The following TRAF7 variants were observed in gnomAD, a reference collection of about 807,000 sequenced individuals.
TRAF7 encodes E3 ubiquitin-protein ligase TRAF7.
TRAF7 carries 45 observed loss-of-function variants against 89.3 expected under a neutral mutation model. The ratio of observed to expected loss-of-function variants is 0.50; its 90% CI spans 0.40 to 0.65. TRAF7 has a LOEUF of 0.65. Among genes scored for constraint, TRAF7 ranks in the 30% least tolerant of loss-of-function variants. The pLI is 0.00. For missense variants in TRAF7, 677 were observed against 918.1 expected (o/e 0.74, Z 3.39); for synonymous variants, 406 against 369.2 (o/e 1.10, Z -1.14).
chr16:2,156,415 C>T (rs1206302878), intron 1 of TRAF7, among the ~76,000 whole-genome samples: 1 of 152,182 alleles, frequency 6.6e-6, no homozygotes, highest in African/African-American at 2.4e-5. Context: ...CCCCCCATCC[C>T]CCATCTAGAC....
Position 2,168,484 on chromosome 16 carries a change from T to G in TRAF7, c.231+316T>G. The stretch of plus-strand genomic sequence containing the variant: ...ACCACAGAAAGTTCAGTCAGGAGGA[T>G]AGCACAATAAAATACATGCTTTGAA... On this transcript the variant is annotated intron_variant, in intron 4 of 20. Transcript: ENST00000326181. The surrounding 1 kb of genome is among the most constrained non-coding windows in gnomAD (Gnocchi z 4.1). The G allele has an allele frequency of 3.1e-6, 1 of 320,172 alleles. No individual in the cohort carries two copies. The highest frequency in any genetic ancestry group is 5.9e-6 in the Non-Finnish European group (1 of 169,614). The allele number at this position is 320,172 out of a possible 1,614,324, so 19.8% of individuals were successfully genotyped here. A position where few individuals can be genotyped will look rare whatever the true frequency, so the allele number is the denominator to read the frequency against.
chr16:2,170,282 C>T (rs563747525), intron 4 of TRAF7, among the ~76,000 whole-genome samples: 10 of 152,342 alleles, frequency 6.6e-5, no homozygotes, highest in African/African-American at 1.9e-4. Flanking sequence ...TGCCCCCTCA[C>T]GGCCCACATT....
At position 2,175,595 on chromosome 16, in the gene TRAF7, G is replaced by C. The variant is rs1472842768; in HGVS notation, c.1599G>C (p.Leu533=). 6.2e-7 allele frequency: 1 copy of C among 1,612,612 alleles called. No individual in the cohort carries two copies. Among genetic ancestry groups the C allele is most frequent in the Non-Finnish European group, 8.5e-7 (1 of 1,179,882 alleles). Residue 533 remains leucine, a synonymous_variant, in exon 17 of 21, where the codon CTG becomes CTC. Coordinates refer to ENST00000326181, the MANE Select transcript of TRAF7 (RefSeq NM_032271.3). ...CCCTGGTGGCTGCCCAGAGCTACCT[G>C]TACAGCGGCTCCTACCAGACAATCA... The part of the protein sequence containing the change: ...VRALVAAQSY[L]YSGSYQTIKI...
rs2093067343 is a variant in TRAF7 at position 2,163,936 on chromosome 16, A to G, written c.16A>G (p.Ser6Gly). 1 of 1,612,614 alleles carries G rather than the reference A, an allele frequency of 6.2e-7. No homozygotes were observed. Among genetic ancestry groups the G allele is most frequent in the Non-Finnish European group, 8.5e-7 (1 of 1,179,780 alleles). The change falls in exon 2 of 21, where the codon AGT becomes GGT. Residue 6 changes from serine (S) to glycine (G), a missense_variant. Ser to Gly is a moderately conservative substitution (Grantham distance 56, BLOSUM62 0). Transcript: ENST00000326181. This position sits in a 1 kb window ranked among gnomAD's most constrained non-coding sequence, Gnocchi z 4.3. Reference protein sequence around the residue: MSSGKSARYNRFSGGP... With the variant: MSSGKGARYNRFSGGP... ...TCTCTAGAGCATGAGCTCAGGCAAGAGTGCCCGCTACAACCGCTTCTCCGG... is the reference window on the plus strand; with the variant it reads ...TCTCTAGAGCATGAGCTCAGGCAAGGGTGCCCGCTACAACCGCTTCTCCGG...
rs746974326 is a variant in TRAF7, at chr16:2,178,106, T to C, written c.*1532T>C. The C allele has an allele frequency of 5.9e-6, 3 of 506,702 alleles. No homozygotes were observed. The highest frequency in any genetic ancestry group is 1.6e-5 in the South Asian group (1 of 63,194). 31.4% of individuals were successfully genotyped at this position (506,702 alleles called of 1,614,324 possible). ...GAAATCCGCCTCAGCTCATTCCCAATAAATTAATACTCTTGATAGCTTATA... is the reference window on the plus strand; with the variant it reads ...GAAATCCGCCTCAGCTCATTCCCAACAAATTAATACTCTTGATAGCTTATA... On this transcript the variant is annotated 3_prime_UTR_variant, in exon 21 of 21. Transcript: ENST00000326181.
chr16:2,175,430 G>T lies in TRAF7; in HGVS notation c.1503+13G>T. 1 of 1,613,274 alleles carries T rather than the reference G, an allele frequency of 6.2e-7. No homozygotes were observed. Among genetic ancestry groups the T allele is most frequent in the Non-Finnish European group, 8.5e-7 (1 of 1,179,766 alleles). ...GAAGGCCATCAAGGTACGGGTGGAG[G>T]CTGTGCCTACGTGTGTGTCACTGAG... On this transcript the variant is annotated intron_variant, in intron 16 of 20. Coordinates refer to ENST00000326181, the MANE Select transcript of TRAF7 (RefSeq NM_032271.3).
At chr16:2,164,428 C>G (rs1388215592) in intron 2 of TRAF7, among the ~76,000 whole-genome samples, 27 of 100,840 alleles carry the variant, frequency 2.7e-4, no homozygotes, top group African/African-American at 4.0e-4. Context: ...GCTGCGTGGC[C>G]TGGCCTGGTC....
Position 2,158,767 on chromosome 16 carries a change from G to GC in TRAF7, c.-39+2910dup, listed in dbSNP as rs1491510337. Among the ~76,000 whole-genome samples the GC allele has an allele frequency of 2.2e-5, 3 of 139,356 alleles. No homozygotes were observed. The highest frequency in any genetic ancestry group is 4.8e-5 in the Non-Finnish European group (3 of 62,470). The allele number at this position is 139,356 out of a possible 152,430, so 91.4% of individuals were successfully genotyped here. On this transcript the variant is annotated intron_variant, in intron 1 of 20. Coordinates refer to ENST00000326181, the MANE Select transcript of TRAF7 (RefSeq NM_032271.3). This position sits in a 1 kb window ranked among gnomAD's most constrained non-coding sequence, Gnocchi z 4.7. ...CGTGGGACTGGGAAGCGTGGGCTCG[G>GC]CGGGGGGGGGGGGGACACTGCCACC...
At chr16:2,169,710 T>G (rs957663094) in intron 4 of TRAF7, among the ~76,000 whole-genome samples, 1 of 152,236 alleles carries the variant, frequency 6.6e-6, no homozygotes, top group African/African-American at 2.4e-5. Flanking sequence ...ACTCACTTTC[T>G]CTGACTCCCT....
rs370843005 is a variant in TRAF7 at position 2,173,444 on chromosome 16, G to A, written c.1013-37G>A. 9.5e-5 allele frequency: 153 copies of A among 1,612,402 alleles called. No homozygotes were observed. The African/African-American group carries it at 1.4e-3, about 15-fold the overall frequency. ...CAGGCAGGGGCCTGGCCACTGCTCC[G>A]GGCACCAGTGACACCCCCTCTCCTC... is the stretch of plus-strand genomic sequence containing the variant. On this transcript the variant is annotated intron_variant, in intron 10 of 20. Coordinates refer to ENST00000326181, the MANE Select transcript of TRAF7 (RefSeq NM_032271.3).
In TRAF7 at chr16:2,155,866, TCC is replaced by T. The variant is rs1206242982; in HGVS notation, c.-39+11_-39+12del. 2.7e-5 allele frequency: 4 copies of T among 149,070 alleles called. No individual in the cohort carries two copies. The highest frequency in any genetic ancestry group is 3.5e-3 in the Middle Eastern group (1 of 286). The allele number at this position is 149,070 out of a possible 1,614,324, so 9.2% of individuals were successfully genotyped here. A position where few individuals can be genotyped will look rare whatever the true frequency, so the allele number is the denominator to read the frequency against. On this transcript the variant is annotated intron_variant, in intron 1 of 20. Transcript: ENST00000326181. ...CCGGGCGGCCGCGGGCGGGTGAGTG[TCC>T]CCGCGGCGCGCCCGACCCGGGGCTC...
intron 2 of TRAF7, among the ~76,000 whole-genome samples, 160 bp downstream of exon 2, chr16:2,164,161 C>CGT (rs1567247308): frequency 3.0e-5 from 2 of 67,578 alleles, no homozygotes; most frequent in South Asian, 9.6e-4. Context: ...TGTGTGTGTG[C>CGT]GCGCGCGCGC....
At position 2,174,347 on chromosome 16, in the gene TRAF7, C is replaced by T. The variant is rs748767406; in HGVS notation, c.1346+14C>T. The T allele has an allele frequency of 1.3e-5, 21 of 1,605,824 alleles. No homozygotes were observed. In the Middle Eastern group the frequency reaches 4.9e-4, roughly 38 times the overall value. ...CTGCATCCAGGGGTGAGTCCAGGCA[C>T]ATGTGTGATCAGTGATTCCCAGGAC... is the stretch of plus-strand genomic sequence containing the variant. On this transcript the variant is annotated intron_variant, in intron 14 of 20. Coordinates refer to ENST00000326181, the MANE Select transcript of TRAF7 (RefSeq NM_032271.3).
chr16:2,173,594 G>A (rs758068678), intron 11 of TRAF7, 40 bp downstream of exon 11: 23 of 1,604,912 alleles, frequency 1.4e-5, no homozygotes, highest in South Asian at 8.8e-5. Context: ...TGTGAGACCC[G>A]GGGAGGCCGG....
In TRAF7 at chr16:2,171,636, C is replaced by T. The variant is rs1596676442; in HGVS notation, c.475+31C>T. On this transcript the variant is annotated intron_variant, in intron 7 of 20. Coordinates refer to ENST00000326181, the MANE Select transcript of TRAF7 (RefSeq NM_032271.3). ...TTTGTGCCCCGGCCCAGGCCTGACG[C>T]CGACCGTGCCCATGGCTGCCGAGCA... is the stretch of plus-strand genomic sequence containing the variant. 1.9e-6 allele frequency: 3 copies of T among 1,613,018 alleles called. No homozygotes were observed. The South Asian group carries it at 3.3e-5, about 18-fold the overall frequency.
In TRAF7 at chr16:2,178,037, T is replaced by G. The variant is rs2093148369; in HGVS notation, c.*1463T>G. 4 of 454,266 alleles carry G rather than the reference T, an allele frequency of 8.8e-6. No homozygotes were observed. The highest frequency in any genetic ancestry group is 7.3e-5 in the South Asian group (4 of 54,462). 28.1% of individuals were successfully genotyped at this position (454,266 alleles called of 1,614,324 possible). ...TATAGAATCAATAATATTTCTTTCT[T>G]TAAATATATATTTGTTAAAGTTATA... is the stretch of plus-strand genomic sequence containing the variant. On this transcript the variant is annotated 3_prime_UTR_variant, in exon 21 of 21. Transcript: ENST00000326181.
Position 2,159,326 on chromosome 16 carries a change from G to A in TRAF7, c.-39+3468G>A, listed in dbSNP as rs1245191836. On this transcript the variant is annotated intron_variant, in intron 1 of 20. Coordinates refer to ENST00000326181, the MANE Select transcript of TRAF7 (RefSeq NM_032271.3). The surrounding 1 kb of genome is among the most constrained non-coding windows in gnomAD (Gnocchi z 6.5). ...CGTGCTAGGAGGGAAGCGGGGCCAAGCCGGCCTCAGACCAGGGCCTGCTGG... is the reference window on the plus strand; with the variant it reads ...CGTGCTAGGAGGGAAGCGGGGCCAAACCGGCCTCAGACCAGGGCCTGCTGG... Among the ~76,000 whole-genome samples, 2 of 152,176 alleles carry A rather than the reference G, an allele frequency of 1.3e-5. No homozygotes were observed. The highest frequency in any genetic ancestry group is 3.8e-4 in the East Asian group (2 of 5,196).
rs780652125 is a variant in TRAF7 at position 2,163,902 on chromosome 16, G to C, written c.-19G>C. 20 of 1,609,712 alleles carry C rather than the reference G, an allele frequency of 1.2e-5. No homozygotes were observed. Among genetic ancestry groups the C allele is most frequent in the Non-Finnish European group, 1.5e-5 (18 of 1,178,046 alleles). Reference sequence around the variant, plus strand: ...CCACAGGAGGTGCTTCCCAAGGACCGTAGATGCCTCTCTAGAGCATGAGCT... The same window carrying C: ...CCACAGGAGGTGCTTCCCAAGGACCCTAGATGCCTCTCTAGAGCATGAGCT... On this transcript the variant is annotated 5_prime_UTR_variant, in exon 2 of 21. Coordinates refer to ENST00000326181, the MANE Select transcript of TRAF7 (RefSeq NM_032271.3). This position sits in a 1 kb window ranked among gnomAD's most constrained non-coding sequence, Gnocchi z 4.3.
At position 2,163,959 on chromosome 16, in the gene TRAF7, C is replaced by CG. The variant is rs753146456; in HGVS notation, c.45dup (p.Pro16AlafsTer33). On this transcript the variant is annotated frameshift_variant, in exon 2 of 21. Transcript: ENST00000326181. LOFTEE classifies it high-confidence loss of function. This position sits in a 1 kb window ranked among gnomAD's most constrained non-coding sequence, Gnocchi z 4.3. The stretch of plus-strand genomic sequence containing the variant: ...AGAGTGCCCGCTACAACCGCTTCTC[C>CG]GGGGGGCCCAGCAATCTTCCCACCC... 20 of 1,612,692 alleles carry CG rather than the reference C, an allele frequency of 1.2e-5. No individual in the cohort carries two copies. In the African/African-American group the frequency reaches 2.3e-4, roughly 18 times the overall value.
Sources: gnomAD v4.1 joint callset for allele counts (sites outside exome capture counted in the v4.1 genomes callset) on GRCh38, gnomAD v4.1.1 for gene constraint, Gnocchi (gnomAD v3.1) non-coding constraint, MANE v1.5 for transcripts, NCBI Gene and HGNC (gene_info 2026-07-23, HGNC 2026-07-21) for gene names.